Variants in FAM185A observed in about 807,000 individuals in gnomAD.
The protein encoded by FAM185A is protein FAM185A.
A neutral mutation model predicts 45.7 loss-of-function variants in FAM185A; 21 were observed. That is an observed-to-expected ratio of 0.46 (90% CI 0.33 to 0.66). The LOEUF is 0.66. Among genes scored for constraint, FAM185A ranks in the 30% least tolerant of loss-of-function variants. The pLI, the probability that FAM185A is intolerant of heterozygous loss-of-function variation, is 0.03. For synonymous variants in FAM185A, 117 were observed against 194.0 expected (o/e 0.60, Z 3.30); for missense variants, 305 against 485.4 (o/e 0.63, Z 3.49).
At chr7:102,755,885 C>T in intron 2 of FAM185A, 1 of 690,124 alleles carries the variant, frequency 1.4e-6, no homozygotes. Context: ...CTGTGGCTCA[C>T]ATTGCCAAGC....
At chr7:102,790,141 T>A (rs1453189675) in intron 7 of FAM185A, among the ~76,000 whole-genome samples, 1 of 152,128 alleles carries the variant, frequency 6.6e-6, no homozygotes, top group East Asian at 1.9e-4. Flanking sequence ...AGTAAATACA[T>A]AAATCAGTAA....
At chr7:102,850,522 G>T in the FAM185A span, among the ~76,000 whole-genome samples, 1 of 152,100 alleles carries the variant, frequency 6.6e-6, no homozygotes, top group East Asian at 1.9e-4. Context: ...CTATCACCTT[G>T]TCAAAGATCT....
At chr7:102,794,811 G>A (rs1796352508) in intron 7 of FAM185A, among the ~76,000 whole-genome samples, 1 of 152,182 alleles carries the variant, frequency 6.6e-6, no homozygotes, top group African/African-American at 2.4e-5. Context: ...GTCCACATAA[G>A]GTAATTCACC....
chr7:102,833,080 GT>G, the FAM185A span: 1 of 1,205,424 alleles, frequency 8.3e-7, no homozygotes, highest in Non-Finnish European at 1.1e-6. Context: ...AAATACAGAT[GT>G]TAGATCTTGA....
At chr7:102,797,901 C>T (rs536765103) in intron 7 of FAM185A, among the ~76,000 whole-genome samples, 8 of 152,168 alleles carry the variant, frequency 5.3e-5, no homozygotes, top group Non-Finnish European at 1.0e-4. Context: ...CAGGAAAAAG[C>T]TCACCTTACC....
chr7:102,823,987 A>T, the FAM185A span, among the ~76,000 whole-genome samples: 1 of 152,228 alleles, frequency 6.6e-6, no homozygotes, highest in South Asian at 2.1e-4. Flanking sequence ...TGTAGAAGAA[A>T]GGAAGGACAA....
intron 6 of FAM185A, among the ~76,000 whole-genome samples, chr7:102,784,028 A>G (rs1795602826): frequency 6.6e-6 from 1 of 152,244 alleles, no homozygotes. Context: ...CAGAAATACA[A>G]ACTACCATCA....
intron 2 of FAM185A, among the ~76,000 whole-genome samples, chr7:102,757,351 C>G (rs1793813991): frequency 6.6e-6 from 1 of 152,180 alleles, no homozygotes; most frequent in South Asian, 2.1e-4. Context: ...ATTTACCTTT[C>G]TGAATCTTGG....
downstream of FAM185A, chr7:102,813,170 A>G: frequency 1.5e-6 from 1 of 660,068 alleles, no homozygotes; most frequent in Non-Finnish European, 2.5e-6. Flanking sequence ...GATTATTTAG[A>G]CAGAAGAACT....
intron 6 of FAM185A, among the ~76,000 whole-genome samples, chr7:102,784,649 C>G (rs575122743): frequency 1.3e-5 from 2 of 152,122 alleles, no homozygotes; most frequent in Admixed American, 6.5e-5. Flanking sequence ...ATGCTAAAAA[C>G]TCTCAATAAA....
the FAM185A span, among the ~76,000 whole-genome samples, chr7:102,842,132 T>C: frequency 1.3e-5 from 2 of 152,082 alleles, no homozygotes; most frequent in Non-Finnish European, 2.9e-5. Flanking sequence ...AGACAAAAGA[T>C]CCAAATGTCC....
chr7:102,749,472 C>A lies in FAM185A; in HGVS notation c.265C>A (p.Pro89Thr). 6.5e-7 allele frequency: 1 copy of A among 1,545,508 alleles called. No individual in the cohort carries two copies. The highest frequency in any genetic ancestry group is 8.7e-7 in the Non-Finnish European group (1 of 1,145,038). ...GCTCCCGTGCCACCTGGCCGTGAGG[C>A]CCCTGGACCCCCTCACCTACCCGGA... The part of the protein sequence containing the change: ...ARLPCHLAVR[P>T]LDPLTYPDGD... The change falls in exon 1 of 8, where the codon CCC becomes ACC. Residue 89 changes from proline to threonine, a missense_variant. By Grantham distance (38) the Pro-to-Thr change is conservative (BLOSUM62 -1). Around this residue, in one of 5 missense-constraint regions of FAM185A, gnomAD observed 174 missense variants for 247.1 expected, o/e 0.70. Coordinates refer to ENST00000413034, the MANE Select transcript of FAM185A (RefSeq NM_001145268.2).
the FAM185A span, among the ~76,000 whole-genome samples, chr7:102,829,422 T>C: frequency 1.7e-3 from 258 of 152,342 alleles, no homozygotes; most frequent in African/African-American, 6.0e-3. Flanking sequence ...TCGCTTACCT[T>C]ATCCCTCTCA....
intron 3 of FAM185A, among the ~76,000 whole-genome samples, chr7:102,760,720 C>G (rs113346211): frequency 0.084 from 12,769 of 151,664 alleles, 772 homozygotes; most frequent in East Asian, 0.2. Flanking sequence ...TGTTGAATTG[C>G]GGGCCTGAGA....
the FAM185A span, among the ~76,000 whole-genome samples, chr7:102,843,273 G>A: frequency 3.3e-5 from 5 of 151,914 alleles, no homozygotes; most frequent in South Asian, 2.1e-4. Flanking sequence ...CTGAAACCCC[G>A]TCTCTACTAA....
At chr7:102,835,860 C>T in the FAM185A span, among the ~76,000 whole-genome samples, 5 of 151,988 alleles carry the variant, frequency 3.3e-5, no homozygotes, top group African/African-American at 9.7e-5. Context: ...CCGCCCGCCT[C>T]GGCCTCCCAA....
At chr7:102,822,448 C>A in the FAM185A span, 2 of 629,068 alleles carry the variant, frequency 3.2e-6, no homozygotes, top group Non-Finnish European at 5.9e-6. Flanking sequence ...TATCTTCTCA[C>A]ATGGCAGAGA....
intron 7 of FAM185A, among the ~76,000 whole-genome samples, chr7:102,799,383 AT>A (rs1277740621): frequency 6.6e-6 from 1 of 152,210 alleles, no homozygotes; most frequent in Non-Finnish European, 1.5e-5. Flanking sequence ...CATAGACAAG[AT>A]TATGGCTCAG....
At chr7:102,833,348 G>A in the FAM185A span, among the ~76,000 whole-genome samples, 1 of 151,954 alleles carries the variant, frequency 6.6e-6, no homozygotes, top group East Asian at 1.9e-4. Context: ...AGATTCTTTG[G>A]AATCAGACAG....
Sources: allele counts gnomAD v4.1 joint callset (sites outside exome capture counted in the v4.1 genomes callset), GRCh38; gene constraint gnomAD v4.1.1; regional missense constraint gnomAD v4.1.1; transcripts MANE v1.5; gene names NCBI Gene and HGNC (gene_info 2026-07-23, HGNC 2026-07-21).